Variants in HPCAL1 observed in about 807,000 individuals in gnomAD.
HPCAL1 encodes hippocalcin like 1, also known as hippocalcin-like protein 1.
HPCAL1 carries 8 observed loss-of-function variants against 17.1 expected under a neutral mutation model. The observed-to-expected ratio is 0.47, with a 90% CI of 0.27 to 0.84. The LOEUF is 0.84. Among genes scored for constraint, HPCAL1 ranks in the 40% least tolerant of loss-of-function variants. The pLI, the probability that HPCAL1 is intolerant of heterozygous loss-of-function variation, is 0.13. For synonymous variants in HPCAL1, 112 were observed against 111.4 expected, an observed-to-expected ratio of 1.01 and a Z score of -0.03; for missense variants, 165 against 271.1, an observed-to-expected ratio of 0.61 and a Z score of 2.75.
chr2:10,403,737 C>T (rs780835574), intron 2 of HPCAL1, among the ~76,000 whole-genome samples: 46 of 152,024 alleles, frequency 3.0e-4, no homozygotes, highest in Non-Finnish European at 4.4e-5. Context: ...CCCACCTCAC[C>T]CTCCCAAAGT....
intron 2 of HPCAL1, among the ~76,000 whole-genome samples, chr2:10,399,578 C>T (rs1379533617): frequency 1.4e-5 from 2 of 140,048 alleles, no homozygotes; most frequent in Admixed American, 7.1e-5. Context: ...CCACCACCAC[C>T]GCCACCGCCA....
intron 1 of HPCAL1, among the ~76,000 whole-genome samples, chr2:10,306,350 A>G (rs1285803080): frequency 6.6e-6 from 1 of 152,052 alleles, no homozygotes; most frequent in East Asian, 1.9e-4. Flanking sequence ...TGGGGGAGGC[A>G]TGTTTGGAGT....
chr2:10,306,099 C>A (rs1662605820), intron 1 of HPCAL1, among the ~76,000 whole-genome samples: 1 of 152,166 alleles, frequency 6.6e-6, no homozygotes, highest in African/African-American at 2.4e-5. Flanking sequence ...CAGTGATAAT[C>A]CAGGGTACTA....
At chr2:10,307,999 C>A (rs1047056443) in intron 1 of HPCAL1, among the ~76,000 whole-genome samples, 3 of 152,200 alleles carry the variant, frequency 2.0e-5, no homozygotes, top group Non-Finnish European at 4.4e-5. Flanking sequence ...GGCATCCTCC[C>A]TACCTGTGCA....
At chr2:10,382,125 C>G (rs748583291) in intron 1 of HPCAL1, among the ~76,000 whole-genome samples, 1 of 152,122 alleles carries the variant, frequency 6.6e-6, no homozygotes, top group Non-Finnish European at 1.5e-5. Context: ...AGCTAGCAAG[C>G]CATGAAAAGA....
chr2:10,407,814 G>A (rs1188768118), intron 2 of HPCAL1, among the ~76,000 whole-genome samples: 1 of 152,200 alleles, frequency 6.6e-6, no homozygotes, highest in Non-Finnish European at 1.5e-5. Flanking sequence ...TGGGACAAAT[G>A]AAGGATTCTC....
At chr2:10,413,456 C>T (rs958802916) in intron 2 of HPCAL1, among the ~76,000 whole-genome samples, 1 of 152,252 alleles carries the variant, frequency 6.6e-6, no homozygotes, top group African/African-American at 2.4e-5. Flanking sequence ...CAGACACCCA[C>T]CTTGTGCCAG....
intron 1 of HPCAL1, among the ~76,000 whole-genome samples, chr2:10,355,731 T>G (rs1666115500): frequency 6.6e-6 from 1 of 151,922 alleles, no homozygotes; most frequent in Non-Finnish European, 1.5e-5. Flanking sequence ...GGGAGCAGTT[T>G]GCAAAGGCAT....
At chr2:10,393,354 A>G (rs1668822576) in intron 1 of HPCAL1, among the ~76,000 whole-genome samples, 2 of 152,318 alleles carry the variant, frequency 1.3e-5, no homozygotes, top group South Asian at 4.1e-4. Context: ...AATTCCTTCA[A>G]GGTCTCCGGA....
rs1479642562 is a variant in HPCAL1, at chr2:10,365,349, T to C, written c.-110-31486T>C. On this transcript the variant is annotated intron_variant, in intron 1 of 4. Coordinates refer to ENST00000307845, the MANE Select transcript of HPCAL1 (RefSeq NM_002149.4). The surrounding 1 kb of genome is among the most constrained non-coding windows in gnomAD (Gnocchi z 4.8). The stretch of plus-strand genomic sequence containing the variant: ...CGGTAATTGCAAGAGCGTGAGCCCC[T>C]CCTCTGGGGCATGTTCTTGGAAATA... Among the ~76,000 whole-genome samples, 1 of 152,128 alleles carries C rather than the reference T, an allele frequency of 6.6e-6. No homozygotes were observed. The highest frequency in any genetic ancestry group is 2.4e-5 in the African/African-American group (1 of 41,414).
chr2:10,410,611 C>T (rs552194619), intron 2 of HPCAL1, among the ~76,000 whole-genome samples: 6 of 152,080 alleles, frequency 3.9e-5, no homozygotes, highest in East Asian at 1.9e-4. Flanking sequence ...TAGTTTGATC[C>T]GAGCCTTGCT....
At chr2:10,314,174 G>A (rs1373163924) in intron 1 of HPCAL1, among the ~76,000 whole-genome samples, 1 of 151,842 alleles carries the variant, frequency 6.6e-6, no homozygotes, top group Admixed American at 6.6e-5. Flanking sequence ...TAATATGCAG[G>A]CATCTTAGCA....
chr2:10,336,412 T>C (rs888661899), intron 1 of HPCAL1, among the ~76,000 whole-genome samples: 2 of 152,270 alleles, frequency 1.3e-5, no homozygotes, highest in Admixed American at 6.5e-5. Flanking sequence ...TCTATGCCAA[T>C]GTATACATCA....
intron 2 of HPCAL1, among the ~76,000 whole-genome samples, chr2:10,417,023 T>C (rs1670716434): frequency 6.6e-6 from 1 of 152,180 alleles, no homozygotes; most frequent in Non-Finnish European, 1.5e-5. Flanking sequence ...TATCCAGAGC[T>C]GGGCTTAACT....
In HPCAL1 at chr2:10,405,153, G is replaced by C. The variant is rs565504344; in HGVS notation, c.-25+8233G>C. 3.9e-4 allele frequency among the ~76,000 whole-genome samples: 59 copies of C among 152,348 alleles called. 2 individuals are homozygous for C. Among genetic ancestry groups the C allele is most frequent in the Non-Finnish European group, 1.5e-5 (1 of 68,030 alleles). Reference sequence around the variant, plus strand: ...GGAAAATAAGGCCCAGAGAAGTTGAGACAGCCAGGACCATATGGCTGGAGA... The same window carrying C: ...GGAAAATAAGGCCCAGAGAAGTTGACACAGCCAGGACCATATGGCTGGAGA... On this transcript the variant is annotated intron_variant, in intron 2 of 4. Coordinates refer to ENST00000307845, the MANE Select transcript of HPCAL1 (RefSeq NM_002149.4).
chr2:10,344,131 G>A lies in HPCAL1; in HGVS notation c.-111+40954G>A, dbSNP rs1665260264. 2.6e-5 allele frequency among the ~76,000 whole-genome samples: 4 copies of A among 152,310 alleles called. No individual in the cohort carries two copies. The South Asian group carries it at 6.2e-4, about 24-fold the overall frequency. On this transcript the variant is annotated intron_variant, in intron 1 of 4. Transcript: ENST00000307845. This position sits in a 1 kb window ranked among gnomAD's most constrained non-coding sequence, Gnocchi z 4.9. ...AAAAGCCAGAACAAAACAAGCAGAC[G>A]GTTGAGGACTGCAGTGAACTCATTA...
At chr2:10,418,611 G>T (rs1213826226) in intron 2 of HPCAL1, among the ~76,000 whole-genome samples, 1 of 152,126 alleles carries the variant, frequency 6.6e-6, no homozygotes, top group Non-Finnish European at 1.5e-5. Context: ...CTGTGGCTAG[G>T]GTAGGAGACA....
intron 2 of HPCAL1, among the ~76,000 whole-genome samples, chr2:10,413,699 C>T (rs893641792): frequency 1.4e-4 from 22 of 152,260 alleles, no homozygotes; most frequent in South Asian, 4.1e-4. Flanking sequence ...CCTTTCTATA[C>T]GCATCTGTGA....
At chr2:10,315,368 T>C (rs1267424549) in intron 1 of HPCAL1, among the ~76,000 whole-genome samples, 1 of 152,076 alleles carries the variant, frequency 6.6e-6, no homozygotes, top group Non-Finnish European at 1.5e-5. Flanking sequence ...AGAAAATAGA[T>C]GGGAAGGAAA....
Sources: gnomAD v4.1 joint callset for allele counts (sites outside exome capture counted in the v4.1 genomes callset) on GRCh38, gnomAD v4.1.1 for gene constraint, Gnocchi (gnomAD v3.1) non-coding constraint, MANE v1.5 for transcripts, NCBI Gene and HGNC (gene_info 2026-07-23, HGNC 2026-07-21) for gene names.